The following SRGAP2 variants were observed in gnomAD, a reference collection of about 807,000 sequenced individuals.
SRGAP2 encodes the protein SLIT-ROBO Rho GTPase-activating protein 2.
A neutral mutation model predicts 57.2 loss-of-function variants in SRGAP2; 15 were observed. That is an observed-to-expected ratio of 0.26 (90% CI 0.18 to 0.40). The LOEUF (loss-of-function observed/expected upper bound fraction) is 0.40, where lower values mean the gene tolerates loss of function less well. Among genes scored for constraint, SRGAP2 ranks in the 10% least tolerant of loss-of-function variants. The pLI, the probability that SRGAP2 is intolerant of heterozygous loss-of-function variation, is 1.00. For missense variants in SRGAP2, 520 were observed against 669.6 expected, an observed-to-expected ratio of 0.78 and a Z score of 2.47; for synonymous variants, 249 against 248.0, an observed-to-expected ratio of 1.00 and a Z score of -0.04.
chr1:206,426,808 G>T (rs1660839005), intron 13 of SRGAP2, among the ~76,000 whole-genome samples: 1 of 152,144 alleles, frequency 6.6e-6, no homozygotes, highest in Non-Finnish European at 1.5e-5. Flanking sequence ...TTTTTAATCA[G>T]ATAGTTTGGT....
At chr1:206,307,727 G>A (rs1296341899) in intron 3 of SRGAP2, among the ~76,000 whole-genome samples, 4 of 152,266 alleles carry the variant, frequency 2.6e-5, no homozygotes, top group African/African-American at 7.2e-5. Flanking sequence ...GGGGCCAGCA[G>A]GGCTGGCCGG....
intron 3 of SRGAP2, among the ~76,000 whole-genome samples, chr1:206,341,776 T>A (rs1675210738): frequency 6.6e-6 from 1 of 152,140 alleles, no homozygotes; most frequent in South Asian, 2.1e-4. Context: ...GGTGGGTGGA[T>A]CACTTGAGGT....
chr1:206,418,985 T>C (rs1660049078), intron 11 of SRGAP2, among the ~76,000 whole-genome samples: 1 of 142,798 alleles, frequency 7.0e-6, no homozygotes, highest in South Asian at 2.4e-4. Flanking sequence ...CACACACACA[T>C]CCAACATAAG....
At chr1:206,446,461 GC>G (rs1662771439) in intron 18 of SRGAP2, among the ~76,000 whole-genome samples, 162 bp downstream of exon 18, 2 of 152,172 alleles carry the variant, frequency 1.3e-5, no homozygotes, top group South Asian at 2.1e-4. Flanking sequence ...CCCCACCTCG[GC>G]CCCACCCACA....
intron 2 of SRGAP2, among the ~76,000 whole-genome samples, chr1:206,227,062 G>A (rs1667316962): frequency 1.3e-5 from 2 of 151,982 alleles, no homozygotes; most frequent in African/African-American, 4.8e-5. Flanking sequence ...GCACATTGGG[G>A]AACCTCTTGG....
At chr1:206,438,753 C>G (rs1363244253) in intron 16 of SRGAP2, among the ~76,000 whole-genome samples, 7 of 152,214 alleles carry the variant, frequency 4.6e-5, no homozygotes, top group African/African-American at 1.7e-4. Context: ...TACAGGTCAG[C>G]CTGGAAGCAG....
At chr1:206,215,074 G>A (rs1666564984) in intron 2 of SRGAP2, among the ~76,000 whole-genome samples, 1 of 142,848 alleles carries the variant, frequency 7.0e-6, no homozygotes, top group African/African-American at 2.6e-5. Flanking sequence ...TCTGGAACCA[G>A]CCCTCAGTTG....
chr1:206,319,342 C>T (rs1308821366), intron 3 of SRGAP2, among the ~76,000 whole-genome samples: 2 of 151,018 alleles, frequency 1.3e-5, no homozygotes, highest in Non-Finnish European at 2.9e-5. Flanking sequence ...ACCCAGGAGG[C>T]GGAGCTTTCA....
chr1:206,370,747 G>A (rs1281988631), intron 4 of SRGAP2, among the ~76,000 whole-genome samples: 1 of 152,188 alleles, frequency 6.6e-6, no homozygotes, highest in Non-Finnish European at 1.5e-5. Flanking sequence ...TACAGTGTGT[G>A]AATTATATCT....
At chr1:206,354,771 GTCTC>G in intron 4 of SRGAP2, among the ~76,000 whole-genome samples, 1 of 147,748 alleles carries the variant, frequency 6.8e-6, no homozygotes, top group Admixed American at 6.8e-5. Flanking sequence ...TCCCTCCTCT[GTCTC>G]TCTCCCTCCC....
intron 2 of SRGAP2, among the ~76,000 whole-genome samples, chr1:206,275,790 T>C (rs1238844882): frequency 5.9e-5 from 9 of 151,806 alleles, no homozygotes; most frequent in African/African-American, 2.2e-4. Flanking sequence ...CTAATTTTTG[T>C]ATTTTTAGTA....
chr1:206,443,514 A>ACAG (rs1553372811), intron 17 of SRGAP2, among the ~76,000 whole-genome samples: 1 of 152,160 alleles, frequency 6.6e-6, no homozygotes, highest in East Asian at 1.9e-4. Flanking sequence ...AGCTGGGATT[A>ACAG]CAGGTGCATA....
At chr1:206,414,029 C>CTTTTTTTTTTT (rs201058533) in intron 10 of SRGAP2, among the ~76,000 whole-genome samples, 5 of 145,152 alleles carry the variant, frequency 3.4e-5, no homozygotes, top group African/African-American at 1.3e-4. Context: ...TTTTCTTTTT[C>CTTTTTTTTTTT]TTTCTTTTTT....
rs548306567 is a variant in SRGAP2, at chr1:206,229,771, C to T, written c.67+23734C>T. On this transcript the variant is annotated intron_variant, in intron 2 of 22. Transcript: ENST00000573034. ...TTCTTTTAGAGACTCAAAGTGCTTC[C>T]AGTTTTGTTACCTCATTTATTCTCT... Among the ~76,000 whole-genome samples the T allele has an allele frequency of 5.2e-3, 785 of 151,774 alleles. 6 individuals carry two copies. The highest frequency in any genetic ancestry group is 0.044 in the Middle Eastern group (13 of 294).
rs1674016693 is a variant in SRGAP2 at position 206,327,427 on chromosome 1, T to A, written c.261-15419T>A. The stretch of plus-strand genomic sequence containing the variant: ...AAAGGAATTTTGAGATGTATTTGTC[T>A]TTTCAGACATGATTCTAGTCACTTT... On this transcript the variant is annotated intron_variant, in intron 3 of 22. Transcript: ENST00000573034. Among the ~76,000 whole-genome samples the A allele has an allele frequency of 2.0e-5, 3 of 149,422 alleles. No individual in the cohort carries two copies. In the East Asian group the frequency reaches 5.8e-4, roughly 29 times the overall value.
chr1:206,389,021 T>C (rs1656617463), intron 5 of SRGAP2, among the ~76,000 whole-genome samples: 2 of 151,896 alleles, frequency 1.3e-5, no homozygotes, highest in African/African-American at 4.8e-5. Flanking sequence ...CAGCTAATCC[T>C]CCTGTTGAAG....
At chr1:206,417,172 C>T (rs577205429) in intron 11 of SRGAP2, among the ~76,000 whole-genome samples, 37 of 130,418 alleles carry the variant, frequency 2.8e-4, no homozygotes, top group Non-Finnish European at 5.7e-4. Flanking sequence ...GGTGCCATCT[C>T]GGCTCACTGC....
rs563090403 is a variant in SRGAP2, at chr1:206,451,564, C to T, written c.2179+1099C>T. On this transcript the variant is annotated intron_variant, in intron 19 of 22. Transcript: ENST00000573034. ...TGGGAATTCTGCAATTCTAGGCCAG[C>T]TTTCAAAGGAGAAAAAAAAAAAATA... Among the ~76,000 whole-genome samples, 6 of 151,198 alleles carry T rather than the reference C, an allele frequency of 4.0e-5. 1 individual carries two copies. The highest frequency in any genetic ancestry group is 1.5e-4 in the African/African-American group (6 of 41,116).
intron 3 of SRGAP2, among the ~76,000 whole-genome samples, chr1:206,334,633 T>A (rs1267625414): frequency 6.6e-6 from 1 of 152,188 alleles, no homozygotes; most frequent in Non-Finnish European, 1.5e-5. Flanking sequence ...TAGATCAAAC[T>A]TCTCCGCTCA....
Sources: allele counts gnomAD v4.1 joint callset (sites outside exome capture counted in the v4.1 genomes callset), GRCh38; gene constraint gnomAD v4.1.1; transcripts MANE v1.5; gene names NCBI Gene and HGNC (gene_info 2026-07-23, HGNC 2026-07-21).